The following DIRAS2 variants were observed in gnomAD, a reference collection of about 807,000 sequenced individuals.
DIRAS2 encodes GTP-binding protein Di-Ras2.
DIRAS2 carries 5 observed loss-of-function variants against 13.9 expected under a neutral mutation model. The ratio of observed to expected loss-of-function variants is 0.36; its 90% CI spans 0.19 to 0.76. The LOEUF (loss-of-function observed/expected upper bound fraction) is 0.76. Ranked by LOEUF, DIRAS2 falls within the 30% of genes least tolerant of loss-of-function variation. The pLI, the probability that DIRAS2 is intolerant of heterozygous loss-of-function variation, is 0.53. For synonymous variants in DIRAS2, 111 were observed against 105.4 expected, an observed-to-expected ratio of 1.05 and a Z score of -0.33; for missense variants, 191 against 263.0, an observed-to-expected ratio of 0.73 and a Z score of 1.89.
intron 1 of DIRAS2, among the ~76,000 whole-genome samples, chr9:90,635,334 G>C (rs995140957): frequency 2.0e-5 from 3 of 152,206 alleles, no homozygotes; most frequent in African/African-American, 7.2e-5. Flanking sequence ...ACCCAAATTA[G>C]TAAGAACTGA....
At position 90,613,102 on chromosome 9, in the gene DIRAS2, C is replaced by T. The variant is rs973391010; in HGVS notation, c.*126G>A. The T allele has an allele frequency of 7.4e-7, 1 of 1,349,142 alleles. No individual in the cohort carries two copies. 83.6% of individuals were successfully genotyped at this position (1,349,142 alleles called of 1,614,324 possible). ...AAACGCCCTCTTAAGGACAATAGGACGCATCTCGATTAAATGCAATGTTTA... is the reference window on the plus strand; with the variant it reads ...AAACGCCCTCTTAAGGACAATAGGATGCATCTCGATTAAATGCAATGTTTA... On this transcript the variant is annotated 3_prime_UTR_variant, in exon 2 of 2. Transcript: ENST00000375765. This position sits in a 1 kb window ranked among gnomAD's most constrained non-coding sequence, Gnocchi z 5.6.
chr9:90,614,242 C>A (rs1296415856), intron 1 of DIRAS2, among the ~76,000 whole-genome samples: 1 of 151,604 alleles, frequency 6.6e-6, no homozygotes, highest in African/African-American at 2.4e-5. Context: ...TCACCATCAT[C>A]AACAGCAGCA....
chr9:90,632,080 C>A lies in DIRAS2; in HGVS notation c.-37+10672G>T, dbSNP rs369591846. Among the ~76,000 whole-genome samples the A allele has an allele frequency of 3.3e-5, 5 of 152,322 alleles. No individual in the cohort carries two copies. The South Asian group carries it at 1.0e-3, about 32-fold the overall frequency. Reference sequence around the variant, plus strand: ...TGTTAGCAGGCTCTCCAGGCATTATCATCACTTACCTGCATGACTGCAGCA... The same window carrying A: ...TGTTAGCAGGCTCTCCAGGCATTATAATCACTTACCTGCATGACTGCAGCA... On this transcript the variant is annotated intron_variant, in intron 1 of 1. Transcript: ENST00000375765.
intron 1 of DIRAS2, among the ~76,000 whole-genome samples, chr9:90,639,530 G>A (rs471924): frequency 0.33 from 50,200 of 152,020 alleles, 9,222 homozygotes; most frequent in Middle Eastern, 0.42. Flanking sequence ...TGGGACTTGC[G>A]GGCTAAGTTG....
rs1825132564 is a variant in DIRAS2, at chr9:90,613,201, C to G, written c.*27G>C. 6.3e-7 allele frequency: 1 copy of G among 1,592,912 alleles called. No individual in the cohort carries two copies. ...GGGGGAGTGAGGTGCCGGGGACACA[C>G]AGCTGCTCCTCCCGCAGGAAGGGCC... On this transcript the variant is annotated 3_prime_UTR_variant, in exon 2 of 2. Transcript: ENST00000375765. The surrounding 1 kb of genome is among the most constrained non-coding windows in gnomAD (Gnocchi z 5.6).
chr9:90,623,464 G>T (rs1363351975), intron 1 of DIRAS2, among the ~76,000 whole-genome samples: 1 of 148,056 alleles, frequency 6.8e-6, no homozygotes, highest in Non-Finnish European at 1.5e-5. Flanking sequence ...GGAAGGAAAG[G>T]ATTAAGAAAA....
chr9:90,626,776 G>A (rs1275762146), intron 1 of DIRAS2, among the ~76,000 whole-genome samples: 2 of 152,162 alleles, frequency 1.3e-5, no homozygotes, highest in Non-Finnish European at 1.5e-5. Flanking sequence ...AAACGAAAGC[G>A]GGGACTCTAG....
At chr9:90,632,098 C>T (rs1231655705) in intron 1 of DIRAS2, among the ~76,000 whole-genome samples, 1 of 152,216 alleles carries the variant, frequency 6.6e-6, no homozygotes, top group Non-Finnish European at 1.5e-5. Flanking sequence ...ACCTGCATGA[C>T]TGCAGCAGCC....
At chr9:90,629,855 T>TGATTGAATCTGCAGATGCGGA (rs1292042099) in intron 1 of DIRAS2, among the ~76,000 whole-genome samples, 2 of 152,168 alleles carry the variant, frequency 1.3e-5, no homozygotes, top group Non-Finnish European at 2.9e-5. Context: ...TTTTTTCAAC[T>TGATTGAATCTGCAGATGCGGA]GATTGAATCT....
At chr9:90,616,585 TA>T (rs1291600110) in intron 1 of DIRAS2, among the ~76,000 whole-genome samples, 1 of 151,992 alleles carries the variant, frequency 6.6e-6, no homozygotes, top group Non-Finnish European at 1.5e-5. Context: ...ATTTATGAGA[TA>T]GGCCTGGGCC....
In DIRAS2 at chr9:90,613,040, G is replaced by A. The variant is rs1825130524; in HGVS notation, c.*188C>T. The A allele has an allele frequency of 1.3e-6, 1 of 755,798 alleles. No homozygotes were observed. The highest frequency in any genetic ancestry group is 2.1e-6 in the Non-Finnish European group (1 of 484,936). 46.8% of individuals were successfully genotyped at this position (755,798 alleles called of 1,614,324 possible). A position where few individuals can be genotyped will look rare whatever the true frequency, so the allele number is the denominator to read the frequency against. On this transcript the variant is annotated 3_prime_UTR_variant, in exon 2 of 2. Coordinates refer to ENST00000375765, the MANE Select transcript of DIRAS2 (RefSeq NM_017594.5). This position sits in a 1 kb window ranked among gnomAD's most constrained non-coding sequence, Gnocchi z 5.6. ...TCACTTGAACCGCCTGGCAGATTCT[G>A]TGACTCCAGAGTGGGTGGCTTACTG... is the stretch of plus-strand genomic sequence containing the variant.
At chr9:90,638,424 A>T (rs901784369) in intron 1 of DIRAS2, among the ~76,000 whole-genome samples, 13 of 152,224 alleles carry the variant, frequency 8.5e-5, no homozygotes, top group African/African-American at 3.1e-4. Context: ...GCTTGCAAAC[A>T]TTTACACAGA....
At chr9:90,622,266 A>G (rs900968025) in intron 1 of DIRAS2, among the ~76,000 whole-genome samples, 1 of 146,624 alleles carries the variant, frequency 6.8e-6, no homozygotes, top group Non-Finnish European at 1.5e-5. Flanking sequence ...AAATAAATAA[A>G]TACATACATT....
intron 1 of DIRAS2, among the ~76,000 whole-genome samples, chr9:90,636,069 G>C (rs536340697): frequency 1.8e-5 from 2 of 110,858 alleles, no homozygotes; most frequent in Admixed American, 2.8e-4. Flanking sequence ...ACAGAGTCTC[G>C]CTCCGTCACT....
At chr9:90,630,953 T>A (rs756758534) in intron 1 of DIRAS2, among the ~76,000 whole-genome samples, 47 of 152,174 alleles carry the variant, frequency 3.1e-4, no homozygotes, top group Admixed American at 2.4e-3. Flanking sequence ...AACTCTCCAA[T>A]CAGCACAATT....
At chr9:90,633,496 C>G (rs1348467675) in intron 1 of DIRAS2, among the ~76,000 whole-genome samples, 1 of 152,134 alleles carries the variant, frequency 6.6e-6, no homozygotes, top group Non-Finnish European at 1.5e-5. Context: ...GGGCTCACAT[C>G]AGGTAGACAG....
At chr9:90,620,943 T>C (rs779596852) in intron 1 of DIRAS2, among the ~76,000 whole-genome samples, 50 of 152,068 alleles carry the variant, frequency 3.3e-4, no homozygotes, top group African/African-American at 1.1e-3. Flanking sequence ...AAAATTATCA[T>C]GAAAATAAAA....
At chr9:90,621,389 C>G (rs1825217707) in intron 1 of DIRAS2, among the ~76,000 whole-genome samples, 1 of 151,884 alleles carries the variant, frequency 6.6e-6, no homozygotes, top group African/African-American at 2.4e-5. Context: ...AATGGCAGGT[C>G]CGTCTTCAAG....
chr9:90,635,453 A>G (rs1349195249), intron 1 of DIRAS2, among the ~76,000 whole-genome samples: 1 of 152,254 alleles, frequency 6.6e-6, no homozygotes, highest in African/African-American at 2.4e-5. Flanking sequence ...AAAAAATGCA[A>G]TGATAATGTT....
Sources: allele counts gnomAD v4.1 joint callset (sites outside exome capture counted in the v4.1 genomes callset), GRCh38; gene constraint gnomAD v4.1.1; non-coding constraint Gnocchi (gnomAD v3.1); transcripts MANE v1.5; gene names NCBI Gene and HGNC (gene_info 2026-07-23, HGNC 2026-07-21).